Variants in INSL6 observed in about 807,000 individuals in gnomAD.
INSL6 encodes insulin-like peptide INSL6.
In INSL6, 16 loss-of-function variants were observed where a neutral mutation model predicts 9.4. That is an observed-to-expected ratio of 1.70 (90% CI 1.15 to 2.59). The LOEUF (loss-of-function observed/expected upper bound fraction) is 2.59, where lower values mean the gene tolerates loss of function less well. INSL6 is among the 30% of genes most tolerant of loss of function. INSL6 has a pLI of 0.00. For synonymous variants in INSL6, 154 were observed against 96.9 expected, an observed-to-expected ratio of 1.59 and a Z score of -3.46; for missense variants, 391 against 257.3, an observed-to-expected ratio of 1.52 and a Z score of -3.56.
chr9:5,071,559 T>C, the INSL6 span, among the ~76,000 whole-genome samples: 5 of 152,300 alleles, frequency 3.3e-5, no homozygotes, highest in African/African-American at 9.6e-5. Context: ...AAATTACTTA[T>C]AGCTGAAGAG....
the INSL6 span, chr9:5,086,048 C>T: frequency 6.7e-6 from 5 of 743,556 alleles, no homozygotes; most frequent in Non-Finnish European, 1.2e-5. Flanking sequence ...TTAAATGCTT[C>T]ACAAGATTAA....
the INSL6 span, among the ~76,000 whole-genome samples, chr9:5,036,533 A>T: frequency 1.3e-5 from 2 of 152,252 alleles, no homozygotes; most frequent in Admixed American, 1.3e-4. Context: ...ACAGAGATAT[A>T]GACCAATGGA....
chr9:5,122,314 G>C (rs1823679419), downstream of INSL6, among the ~76,000 whole-genome samples: 1 of 152,120 alleles, frequency 6.6e-6, no homozygotes, highest in Non-Finnish European at 1.5e-5. Flanking sequence ...AGTGAACAAT[G>C]ACACCATTGC....
the INSL6 span, chr9:5,050,809 C>G: frequency 3.1e-6 from 5 of 1,613,580 alleles, no homozygotes; most frequent in Non-Finnish European, 3.4e-6. Context: ...TCAAACCCCA[C>G]TGGCCATCTA....
intron 1 of INSL6, among the ~76,000 whole-genome samples, chr9:5,178,503 G>A (rs998429289): frequency 2.6e-5 from 4 of 151,888 alleles, no homozygotes; most frequent in African/African-American, 9.7e-5. Context: ...TCCAGCCAGA[G>A]TTATACAGAC....
the INSL6 span, among the ~76,000 whole-genome samples, chr9:5,035,777 C>T: frequency 6.6e-6 from 1 of 152,166 alleles, no homozygotes; most frequent in African/African-American, 2.4e-5. Flanking sequence ...CAATATCATA[C>T]TGAATGGACA....
intron 2 of INSL6, among the ~76,000 whole-genome samples, chr9:5,157,153 G>T (rs1327050166): frequency 6.6e-6 from 1 of 152,120 alleles, no homozygotes; most frequent in Non-Finnish European, 1.5e-5. Context: ...CCATGTTCAT[G>T]GATCTGAAGG....
chr9:5,124,397 A>G (rs1008984975), exon 4 of INSL6, among the ~76,000 whole-genome samples: 4 of 151,740 alleles, frequency 2.6e-5, no homozygotes, highest in African/African-American at 9.7e-5. Flanking sequence ...ATGGTGATAA[A>G]TATGGGTCCA....
At position 5,185,434 on chromosome 9, in the gene INSL6, C is replaced by A. The variant is rs867229131; in HGVS notation, c.169G>T (p.Glu57Ter). ...HANWSQFRFE[E>*]ETPFSRLIAQ... is the part of the protein sequence containing the mutation. ...ATCAACCGTGAGAAAGGGGTTTCCT[C>A]CTCGAAACGGAACTGGCTCCAGTTG... The change falls in exon 1 of 2, where the codon GAG (glutamate) becomes TAG (stop). Residue 57 changes from glutamate to a stop codon, truncating the protein, a stop_gained. Transcript: ENST00000381641. LOFTEE classifies it high-confidence loss of function. 1.7e-5 allele frequency: 27 copies of A among 1,614,074 alleles called. No homozygotes were observed. The highest frequency in any genetic ancestry group is 8.0e-5 in the African/African-American group (6 of 74,942).
At chr9:5,008,423 G>T in the INSL6 span, among the ~76,000 whole-genome samples, 1 of 152,208 alleles carries the variant, frequency 6.6e-6, no homozygotes, top group Non-Finnish European at 1.5e-5. Flanking sequence ...TGGAGATTAA[G>T]AAAAGGGCTG....
the INSL6 span, among the ~76,000 whole-genome samples, chr9:5,118,515 G>A: frequency 3.3e-5 from 5 of 152,218 alleles, no homozygotes; most frequent in African/African-American, 9.6e-5. Flanking sequence ...TAACAAATTT[G>A]GATAATTGCT....
At chr9:5,132,856 T>G (rs973922543) in intron 3 of INSL6, 3 of 152,212 alleles carry the variant, frequency 2.0e-5, no homozygotes, top group Non-Finnish European at 4.4e-5. Context: ...TGTTAAACAT[T>G]CAGACAAAAT....
chr9:5,051,429 G>A, the INSL6 span, among the ~76,000 whole-genome samples: 6 of 152,076 alleles, frequency 3.9e-5, no homozygotes, highest in Admixed American at 3.3e-4. Context: ...TTAGACTCAC[G>A]TGGGGGAGCC....
downstream of INSL6, among the ~76,000 whole-genome samples, chr9:5,122,413 C>T (rs960857016): frequency 6.6e-6 from 1 of 152,038 alleles, no homozygotes; most frequent in African/African-American, 2.4e-5. Context: ...GCCTTGGAAC[C>T]AATTTTTTTC....
intron 2 of INSL6, among the ~76,000 whole-genome samples, chr9:5,133,927 G>T (rs1374275949): frequency 6.6e-6 from 1 of 152,058 alleles, no homozygotes; most frequent in Non-Finnish European, 1.5e-5. Flanking sequence ...CTAACCCAAT[G>T]CAAGGAAGCT....
the INSL6 span, among the ~76,000 whole-genome samples, chr9:4,993,820 CTGTT>C: frequency 1.3e-5 from 2 of 152,236 alleles, no homozygotes; most frequent in African/African-American, 4.8e-5. Flanking sequence ...GCTGGGGCCA[CTGTT>C]TGTGTGGAGT....
intron 1 of INSL6, among the ~76,000 whole-genome samples, chr9:5,166,098 A>T (rs1825044388): frequency 6.6e-6 from 1 of 152,272 alleles, no homozygotes; most frequent in African/African-American, 2.4e-5. Context: ...AGTTAGTGAG[A>T]ACCAAAGCTA....
intron 3 of INSL6, chr9:5,127,336 C>T: frequency 4.3e-6 from 1 of 231,848 alleles, no homozygotes; most frequent in East Asian, 6.1e-5. Flanking sequence ...CCTTTGTGTC[C>T]TTGTTCATTT....
Position 5,173,999 on chromosome 9 carries a change from CTCTCCCTT to C in INSL6, c.290-9742_290-9735del, listed in dbSNP as rs984442528. On this transcript the variant is annotated intron_variant, in intron 1 of 1. Coordinates refer to ENST00000381641, the MANE Select transcript of INSL6 (RefSeq NM_007179.3). ...ATCTCTTAACAGGTACACCCATATA[CTCTCCCTT>C]TCTACCTATTTCTACAGATGAACTA... Among the ~76,000 whole-genome samples, 5 of 152,226 alleles carry C rather than the reference CTCTCCCTT, an allele frequency of 3.3e-5. No individual in the cohort carries two copies. In the South Asian group the frequency reaches 1.0e-3, roughly 32 times the overall value.
Sources: allele counts gnomAD v4.1 joint callset (sites outside exome capture counted in the v4.1 genomes callset), GRCh38; gene constraint gnomAD v4.1.1; transcripts MANE v1.5; gene names NCBI Gene and HGNC (gene_info 2026-07-23, HGNC 2026-07-21).